Variants in LRRC56 observed in about 807,000 individuals in gnomAD.
LRRC56 encodes leucine-rich repeat-containing protein 56.
A neutral mutation model predicts 47.8 loss-of-function variants in LRRC56; 41 were observed. The observed-to-expected ratio is 0.86, with a 90% CI of 0.67 to 1.11. The LOEUF (loss-of-function observed/expected upper bound fraction) is 1.11. Ranked by LOEUF, LRRC56 falls within the 50% of genes most tolerant of loss-of-function variation. LRRC56 has a pLI of 0.00. For missense variants in LRRC56, 759 were observed against 704.2 expected (o/e 1.08, Z -0.88); for synonymous variants, 387 against 311.2 (o/e 1.24, Z -2.56).
upstream of LRRC56, chr11:533,922 A>T (rs1028352031): frequency 3.1e-6 from 5 of 1,612,438 alleles, no homozygotes; most frequent in Non-Finnish European, 4.2e-6. Flanking sequence ...CCCATCAATG[A>T]CCACCTGCTT....
At chr11:547,513 C>T (rs1353577136) in intron 6 of LRRC56, among the ~76,000 whole-genome samples, 4 of 151,640 alleles carry the variant, frequency 2.6e-5, no homozygotes, top group South Asian at 2.1e-4. Flanking sequence ...CCACCACGCC[C>T]GGCTAATTTT....
At chr11:553,774 C>T (rs1351349300) in intron 13 of LRRC56, among the ~76,000 whole-genome samples, 189 bp from the exon 14 acceptor site, 9 of 152,128 alleles carry the variant, frequency 5.9e-5, no homozygotes, top group Admixed American at 4.6e-4. Context: ...GAGGTGGGCC[C>T]GCCCATGCGA....
At chr11:534,544 G>A (rs1851337875), upstream of LRRC56, 5 of 595,194 alleles carry the variant, frequency 8.4e-6, no homozygotes, top group East Asian at 1.1e-4. Context: ...CAGCGTGCGG[G>A]AGGGCTGTCG....
chr11:541,729 C>A lies in LRRC56; in HGVS notation c.265+105C>A, dbSNP rs1427824641. 2.4e-5 allele frequency: 17 copies of A among 700,252 alleles called. No individual in the cohort carries two copies. Among genetic ancestry groups the A allele is most frequent in the Admixed American group, 6.9e-5 (2 of 28,894 alleles). 43.4% of individuals were successfully genotyped at this position (700,252 alleles called of 1,614,324 possible). The stretch of plus-strand genomic sequence containing the variant: ...GACAAAGCTGTCCTCACCTCTCGGG[C>A]CGCGTATCGGCTTCCTTAGGGTTGG... On this transcript the variant is annotated intron_variant, in intron 5 of 13. Transcript: ENST00000270115. The surrounding 1 kb of genome is among the most constrained non-coding windows in gnomAD (Gnocchi z 4.1).
At chr11:537,293 C>T (rs960337063), upstream of LRRC56, 5 of 152,238 alleles carry the variant, frequency 3.3e-5, no homozygotes, top group Non-Finnish European at 7.4e-5. Context: ...CCTGCGCCCA[C>T]CCAACTCGAG....
At chr11:537,842 CT>C (rs1851598594) in intron 1 of LRRC56, among the ~76,000 whole-genome samples, 1 of 152,200 alleles carries the variant, frequency 6.6e-6, no homozygotes, top group Admixed American at 6.5e-5. Context: ...AGCCCTGCCC[CT>C]GAGGGAGACT....
chr11:552,714 G>T lies in LRRC56; in HGVS notation c.1315+12G>T. ...AAGCCTGGCCTCAGGTACTGAGCCT[G>T]CCCGCCTGCCCCCCAGTGCCTGGGA... is the stretch of plus-strand genomic sequence containing the variant. On this transcript the variant is annotated intron_variant, in intron 13 of 13. Transcript: ENST00000270115. 1.3e-6 allele frequency: 2 copies of T among 1,587,738 alleles called. No homozygotes were observed. The highest frequency in any genetic ancestry group is 1.7e-6 in the Non-Finnish European group (2 of 1,166,664).
At chr11:547,725 C>T (rs1214003782) in intron 6 of LRRC56, among the ~76,000 whole-genome samples, 3 of 152,100 alleles carry the variant, frequency 2.0e-5, no homozygotes, top group South Asian at 4.1e-4. Flanking sequence ...CATAAATACA[C>T]AAAATATAAA....
chr11:551,993 C>T (rs781059754), intron 11 of LRRC56, 26 bp downstream of exon 11: 8 of 1,612,038 alleles, frequency 5.0e-6, no homozygotes, highest in African/African-American at 1.3e-5. Context: ...ACCAGCCCCC[C>T]ACGAGAACCA....
At chr11:527,795 G>C in the LRRC56 span, among the ~76,000 whole-genome samples, 4 of 151,396 alleles carry the variant, frequency 2.6e-5, no homozygotes, top group African/African-American at 9.7e-5. Flanking sequence ...CCACCCACTG[G>C]GTTCAATCGA....
intron 5 of LRRC56, among the ~76,000 whole-genome samples, chr11:543,270 A>T (rs186287350): frequency 6.6e-6 from 1 of 151,368 alleles, no homozygotes; most frequent in African/African-American, 2.4e-5. Flanking sequence ...GCTGGAGTGC[A>T]GTGGTGCAAT....
intron 9 of LRRC56, 124 bp downstream of exon 9, chr11:551,426 G>T: frequency 1.2e-6 from 1 of 806,366 alleles, no homozygotes. Flanking sequence ...CTTGACCCCG[G>T]TCCCCAGAGC....
chr11:529,134 G>A, the LRRC56 span: 1 of 152,336 alleles, frequency 6.6e-6, no homozygotes, highest in Admixed American at 6.5e-5. Flanking sequence ...GGGTGGATAC[G>A]AACTCACGCC....
chr11:519,273 C>T, the LRRC56 span, among the ~76,000 whole-genome samples: 14,857 of 137,064 alleles, frequency 0.11, 738 homozygotes, highest in African/African-American at 0.15. Flanking sequence ...TATTAGAACG[C>T]GGGCTGATAC....
At chr11:524,946 A>T in the LRRC56 span, among the ~76,000 whole-genome samples, 1 of 150,702 alleles carries the variant, frequency 6.6e-6, no homozygotes, top group South Asian at 2.1e-4. Flanking sequence ...AAAAACAAAA[A>T]TTAGCTGGGC....
chr11:543,874 G>T (rs1282695910), intron 5 of LRRC56, among the ~76,000 whole-genome samples: 1 of 152,056 alleles, frequency 6.6e-6, no homozygotes, highest in Non-Finnish European at 1.5e-5. Flanking sequence ...TCAGCCTCCC[G>T]TGTAGCTGGG....
At chr11:511,948 A>AT in the LRRC56 span, among the ~76,000 whole-genome samples, 84 of 146,848 alleles carry the variant, frequency 5.7e-4, no homozygotes, top group East Asian at 1.4e-3. Flanking sequence ...TAGGAGGCGA[A>AT]TTTTTTTTTT....
At chr11:546,549 CTGAG>C (rs1852093162) in intron 6 of LRRC56, among the ~76,000 whole-genome samples, 1 of 148,698 alleles carries the variant, frequency 6.7e-6, no homozygotes, top group African/African-American at 2.5e-5. Context: ...GCCTGGGCGA[CTGAG>C]TGAGACTTCG....
At chr11:552,725 C>T (rs1385810345) in intron 13 of LRRC56, 23 bp downstream of exon 13, 2 of 1,581,672 alleles carry the variant, frequency 1.3e-6, no homozygotes, top group East Asian at 4.5e-5. Flanking sequence ...CCCGCCTGCC[C>T]CCCAGTGCCT....
Sources: allele counts gnomAD v4.1 joint callset (sites outside exome capture counted in the v4.1 genomes callset), GRCh38; gene constraint gnomAD v4.1.1; non-coding constraint Gnocchi (gnomAD v3.1); transcripts MANE v1.5; gene names NCBI Gene and HGNC (gene_info 2026-07-23, HGNC 2026-07-21).